Variants in ARHGEF28 observed in about 807,000 individuals in gnomAD.
ARHGEF28 encodes the protein 190 kDa guanine nucleotide exchange factor.
Under a neutral mutation model 206.6 loss-of-function variants are expected in ARHGEF28, and 152 were observed. The observed-to-expected ratio is 0.74, with a 90% CI of 0.64 to 0.84. ARHGEF28 has a LOEUF of 0.84. Among genes scored for constraint, ARHGEF28 ranks in the 40% least tolerant of loss-of-function variants. The probability of loss-of-function intolerance (pLI) is 0.00; values close to 1 mark genes in which losing one functional copy is unlikely to be tolerated. For synonymous variants in ARHGEF28, 763 were observed against 776.4 expected (o/e 0.98, Z 0.29); for missense variants, 2,028 against 2,073.2 (o/e 0.98, Z 0.42).
intron 9 of ARHGEF28, among the ~76,000 whole-genome samples, chr5:73,799,076 C>T (rs1029321195): frequency 2.7e-4 from 41 of 152,114 alleles, no homozygotes; most frequent in African/African-American, 8.9e-4. Context: ...AGCAACAGAG[C>T]GAGACTCCAT....
chr5:73,771,725 A>G (rs577190802), intron 4 of ARHGEF28, among the ~76,000 whole-genome samples: 68 of 152,342 alleles, frequency 4.5e-4, no homozygotes, highest in African/African-American at 1.5e-3. Flanking sequence ...TACAAATATT[A>G]TCCAACATTT....
chr5:73,909,503 G>C lies in ARHGEF28; in HGVS notation c.4253G>C (p.Arg1418Pro). The C allele has an allele frequency of 1.2e-6, 2 of 1,609,500 alleles. No homozygotes were observed. The highest frequency in any genetic ancestry group is 1.7e-6 in the Non-Finnish European group (2 of 1,178,048). Residue 1418 changes from arginine to proline, a missense_variant, in exon 34 of 36, where the codon CGA becomes CCA. Around this residue, in one of 3 missense-constraint regions of ARHGEF28, gnomAD observed 803 missense variants for 768.0 expected, o/e 1.05. Transcript: ENST00000513042. ...EGLSLGHSIL[R>P]GGPLQDQKSR... is the part of the protein sequence containing the mutation. ...CTGTCTCTCGGCCACTCTATCCTCC[G>C]AGGCGGCCCCTTGCAGGACCAGAAG...
chr5:73,935,704 C>CT (rs576801220), intron 35 of ARHGEF28, among the ~76,000 whole-genome samples: 1 of 152,038 alleles, frequency 6.6e-6, no homozygotes, highest in Non-Finnish European at 1.5e-5. Context: ...AGCCCCCCGC[C>CT]TTTTTTTAAG....
chr5:73,661,433 G>A (rs1312849414), intron 1 of ARHGEF28, among the ~76,000 whole-genome samples: 1 of 152,122 alleles, frequency 6.6e-6, no homozygotes, highest in Non-Finnish European at 1.5e-5. Context: ...TCATTCGTGT[G>A]TTCCTGGAGA....
At chr5:73,715,413 C>A (rs1217208716) in intron 2 of ARHGEF28, among the ~76,000 whole-genome samples, 2 of 152,262 alleles carry the variant, frequency 1.3e-5, no homozygotes, top group East Asian at 3.9e-4. Flanking sequence ...GGTCATATGA[C>A]TGCTAAGGAC....
rs142609574 is a variant in ARHGEF28 at position 73,851,167 on chromosome 5, T to C, written c.1748-1483T>C. ...TTAGTCGGCTTGGATTAATCAAAAG[T>C]AAATTGAGGTTTGTGTTGCCATAAA... On this transcript the variant is annotated intron_variant, in intron 13 of 35. Coordinates refer to ENST00000513042, the MANE Select transcript of ARHGEF28 (RefSeq NM_001177693.2). 2.0e-3 allele frequency among the ~76,000 whole-genome samples: 301 copies of C among 152,330 alleles called. 4 individuals carry two copies. Among genetic ancestry groups the C allele is most frequent in the African/African-American group, 6.8e-3 (282 of 41,590 alleles).
Position 73,647,264 on chromosome 5 carries a change from G to A in ARHGEF28, c.-12+20942G>A, listed in dbSNP as rs1397575209. Among the ~76,000 whole-genome samples, 4 of 152,124 alleles carry A rather than the reference G, an allele frequency of 2.6e-5. No homozygotes were observed. The South Asian group carries it at 8.3e-4, about 32-fold the overall frequency. ...TTTAGGCTATGCATATAAGACATATGTGAAATGTAAATTTTATATTTAGAC... is the reference window on the plus strand; with the variant it reads ...TTTAGGCTATGCATATAAGACATATATGAAATGTAAATTTTATATTTAGAC... On this transcript the variant is annotated intron_variant, in intron 1 of 35. Coordinates refer to ENST00000513042, the MANE Select transcript of ARHGEF28 (RefSeq NM_001177693.2).
Position 73,882,610 on chromosome 5 carries a change from C to T in ARHGEF28, c.2937+16C>T. 1 of 1,461,450 alleles carries T rather than the reference C, an allele frequency of 6.8e-7. No homozygotes were observed. Among genetic ancestry groups the T allele is most frequent in the Non-Finnish European group, 9.1e-7 (1 of 1,097,196 alleles). The allele number at this position is 1,461,450 out of a possible 1,614,324, so 90.5% of individuals were successfully genotyped here. ...TTTTATTAAGGCAAGTATTTTAAAACTTTATTACAAAGTGATAAATCAGCA... is the reference window on the plus strand; with the variant it reads ...TTTTATTAAGGCAAGTATTTTAAAATTTTATTACAAAGTGATAAATCAGCA... On this transcript the variant is annotated intron_variant, in intron 23 of 35. Coordinates refer to ENST00000513042, the MANE Select transcript of ARHGEF28 (RefSeq NM_001177693.2).
chr5:73,739,937 G>A (rs1751268270), intron 2 of ARHGEF28, among the ~76,000 whole-genome samples: 1 of 150,760 alleles, frequency 6.6e-6, no homozygotes, highest in Admixed American at 6.6e-5. Context: ...GGAGGTTGAG[G>A]TGGGGGGGTC....
intron 26 of ARHGEF28, among the ~76,000 whole-genome samples, chr5:73,891,586 C>G (rs909667134): frequency 6.6e-6 from 1 of 151,588 alleles, no homozygotes; most frequent in Non-Finnish European, 1.5e-5. Context: ...GTTGCCCAGG[C>G]TGGAGTGCGC....
chr5:73,878,065 C>T (rs1760647081), intron 22 of ARHGEF28, among the ~76,000 whole-genome samples: 1 of 152,232 alleles, frequency 6.6e-6, no homozygotes, highest in Admixed American at 6.5e-5. Context: ...GTCTAAGTCT[C>T]TTTGTAGGTC....
chr5:73,851,005 G>C (rs960881221), intron 13 of ARHGEF28, among the ~76,000 whole-genome samples: 6 of 152,020 alleles, frequency 3.9e-5, no homozygotes, highest in African/African-American at 1.4e-4. Flanking sequence ...ATACCATTTA[G>C]GTCAGTCAAT....
chr5:73,914,391 CTTTTTTTTTTTT>C (rs571265796), intron 35 of ARHGEF28, among the ~76,000 whole-genome samples: 2 of 102,938 alleles, frequency 1.9e-5, no homozygotes, highest in South Asian at 3.3e-4. Flanking sequence ...TTCTGAATTG[CTTTTTTTTTTTT>C]TTTTTTTTTT....
chr5:73,904,268 G>T lies in ARHGEF28; in HGVS notation c.4113+8G>T. 1.9e-6 allele frequency: 3 copies of T among 1,613,876 alleles called. No individual in the cohort carries two copies. The highest frequency in any genetic ancestry group is 2.5e-6 in the Non-Finnish European group (3 of 1,179,808). Reference sequence around the variant, plus strand: ...GGTTCTTCACAATCAGAGGTGAGCTGCTGCACATACCTTAAATGTATCACC... The same window carrying T: ...GGTTCTTCACAATCAGAGGTGAGCTTCTGCACATACCTTAAATGTATCACC... On this transcript the variant is annotated splice_region_variant and intron_variant, in intron 32 of 35. Coordinates refer to ENST00000513042, the MANE Select transcript of ARHGEF28 (RefSeq NM_001177693.2).
chr5:73,799,231 T>G (rs1754995841), intron 9 of ARHGEF28, among the ~76,000 whole-genome samples: 1 of 152,138 alleles, frequency 6.6e-6, no homozygotes, highest in Admixed American at 6.5e-5. Flanking sequence ...CAGGAACAAG[T>G]GGACAGCCTG....
At chr5:73,674,008 T>TG (rs1554053072) in intron 1 of ARHGEF28, among the ~76,000 whole-genome samples, 8 of 134,338 alleles carry the variant, frequency 6.0e-5, no homozygotes, top group Non-Finnish European at 1.3e-4. Context: ...TCCATCTCTT[T>TG]AAAAAAAAAA....
At chr5:73,812,817 C>T (rs1420485380) in intron 9 of ARHGEF28, among the ~76,000 whole-genome samples, 1 of 152,096 alleles carries the variant, frequency 6.6e-6, no homozygotes, top group Non-Finnish European at 1.5e-5. Flanking sequence ...TATGGAAATA[C>T]CCCAATTGTG....
At chr5:73,856,895 A>G (rs1192405129) in intron 14 of ARHGEF28, among the ~76,000 whole-genome samples, 3 of 152,224 alleles carry the variant, frequency 2.0e-5, no homozygotes, top group African/African-American at 7.2e-5. Context: ...CAGTAATAAT[A>G]GAAATATAAG....
At chr5:73,813,534 C>T (rs1294500793) in intron 9 of ARHGEF28, 54 of 1,531,326 alleles carry the variant, frequency 3.5e-5, no homozygotes, top group Non-Finnish European at 4.4e-5. Flanking sequence ...GGGGACGCCC[C>T]GAGTTCTTCC....
Sources: gnomAD v4.1 joint callset for allele counts (sites outside exome capture counted in the v4.1 genomes callset) on GRCh38, gnomAD v4.1.1 for gene constraint, gnomAD v4.1.1 regional missense constraint, MANE v1.5 for transcripts, NCBI Gene and HGNC (gene_info 2026-07-23, HGNC 2026-07-21) for gene names.